The following PPARGC1A variants were observed in gnomAD, a reference collection of about 807,000 sequenced individuals.
PPARGC1A encodes the protein PPARG coactivator 1 alpha.
PPARGC1A carries 25 observed loss-of-function variants against 88.7 expected under a neutral mutation model. That is an observed-to-expected ratio of 0.28 (90% confidence interval 0.21 to 0.39). The LOEUF (loss-of-function observed/expected upper bound fraction) is 0.39. PPARGC1A is among the 10% of genes least tolerant of loss of function. PPARGC1A has a pLI of 1.00. For missense variants in PPARGC1A, 880 were observed against 968.7 expected (o/e 0.91, Z 1.22); for synonymous variants, 363 against 355.6 (o/e 1.02, Z -0.24).
the PPARGC1A span, among the ~76,000 whole-genome samples, chr4:24,207,528 T>C: frequency 2.6e-5 from 4 of 152,218 alleles, no homozygotes; most frequent in African/African-American, 9.7e-5. Context: ...GAAAAGAAAC[T>C]TGCTCATTTT....
the PPARGC1A span, among the ~76,000 whole-genome samples, chr4:24,236,408 G>A: frequency 4.6e-5 from 7 of 152,182 alleles, no homozygotes; most frequent in African/African-American, 1.7e-4. Context: ...GGACTTCCAG[G>A]GACCTGGTGC....
chr4:23,929,335 A>C, the PPARGC1A span, among the ~76,000 whole-genome samples: 2 of 152,172 alleles, frequency 1.3e-5, no homozygotes, highest in Admixed American at 1.3e-4. Context: ...TAGAGGTGGA[A>C]AAATAAAACC....
the PPARGC1A span, among the ~76,000 whole-genome samples, chr4:24,043,196 C>T: frequency 6.6e-6 from 1 of 152,178 alleles, no homozygotes; most frequent in Admixed American, 6.5e-5. Flanking sequence ...TTCAGAAGCC[C>T]AAAGAAGGGT....
chr4:24,176,616 C>T, the PPARGC1A span, among the ~76,000 whole-genome samples: 1 of 152,082 alleles, frequency 6.6e-6, no homozygotes, highest in African/African-American at 2.4e-5. Context: ...GTGTGAAGAG[C>T]CCTGTGCCAG....
the PPARGC1A span, among the ~76,000 whole-genome samples, chr4:24,174,001 T>C: frequency 9.9e-3 from 1,513 of 152,266 alleles, 31 homozygotes; most frequent in African/African-American, 0.034. Context: ...TTTGAGGACC[T>C]TGGAATTTAG....
At chr4:24,042,820 G>C in the PPARGC1A span, among the ~76,000 whole-genome samples, 103 of 152,230 alleles carry the variant, frequency 6.8e-4, 1 homozygote, top group East Asian at 0.013. Flanking sequence ...AATAAGATTG[G>C]TATAAAAGAT....
the PPARGC1A span, among the ~76,000 whole-genome samples, chr4:24,165,411 C>T: frequency 6.6e-6 from 1 of 152,070 alleles, no homozygotes; most frequent in African/African-American, 2.4e-5. Context: ...TTTGTGGCAA[C>T]CCTGATTGAT....
the PPARGC1A span, among the ~76,000 whole-genome samples, chr4:24,233,421 T>C: frequency 6.6e-6 from 1 of 152,128 alleles, no homozygotes; most frequent in Non-Finnish European, 1.5e-5. Context: ...CAAATGGATT[T>C]AGAGGAAACT....
At chr4:24,431,950 G>T in the PPARGC1A span, among the ~76,000 whole-genome samples, 3 of 152,306 alleles carry the variant, frequency 2.0e-5, no homozygotes, top group East Asian at 3.9e-4. Context: ...AAATTAGGTT[G>T]TTGGGAACCT....
the PPARGC1A span, among the ~76,000 whole-genome samples, chr4:24,181,198 T>G: frequency 6.6e-6 from 1 of 152,238 alleles, no homozygotes; most frequent in Non-Finnish European, 1.5e-5. Context: ...AAAATCACTG[T>G]AACCAGGAAG....
the PPARGC1A span, among the ~76,000 whole-genome samples, chr4:24,429,151 A>C: frequency 6.6e-6 from 1 of 152,150 alleles, no homozygotes; most frequent in South Asian, 2.1e-4. Context: ...AAAAAAAGAA[A>C]ACTCAGACGT....
intron 10 of PPARGC1A, among the ~76,000 whole-genome samples, chr4:23,807,048 T>G (rs529013043): frequency 2.0e-3 from 301 of 152,324 alleles, no homozygotes; most frequent in Middle Eastern, 3.4e-3. Flanking sequence ...AATCTTTTTT[T>G]CTATGCTAAG....
At chr4:24,263,691 G>GA in the PPARGC1A span, among the ~76,000 whole-genome samples, 1 of 152,152 alleles carries the variant, frequency 6.6e-6, no homozygotes, top group East Asian at 1.9e-4. Context: ...TGATGAGGAT[G>GA]AACACCTTTA....
chr4:24,018,337 A>G, the PPARGC1A span, among the ~76,000 whole-genome samples: 3 of 151,994 alleles, frequency 2.0e-5, no homozygotes, highest in Non-Finnish European at 4.4e-5. Flanking sequence ...AGTGTTTAAA[A>G]TGTCACCAGT....
At chr4:23,864,734 A>T (rs2148728880) in intron 2 of PPARGC1A, among the ~76,000 whole-genome samples, 1 of 152,344 alleles carries the variant, frequency 6.6e-6, no homozygotes, top group African/African-American at 2.4e-5. Context: ...AAGTTAGGCA[A>T]CCTGGTGTGT....
the PPARGC1A span, among the ~76,000 whole-genome samples, chr4:24,414,554 T>C: frequency 2.0e-5 from 3 of 152,152 alleles, no homozygotes; most frequent in African/African-American, 7.2e-5. Context: ...TGGTCCCCAG[T>C]CTCGACAATC....
chr4:24,135,262 C>T, the PPARGC1A span, among the ~76,000 whole-genome samples: 18 of 152,258 alleles, frequency 1.2e-4, no homozygotes, highest in East Asian at 3.1e-3. Flanking sequence ...TGAGTGGCTT[C>T]AGGCATAGTT....
chr4:24,242,309 G>T, the PPARGC1A span, among the ~76,000 whole-genome samples: 2 of 152,198 alleles, frequency 1.3e-5, no homozygotes, highest in African/African-American at 4.8e-5. Context: ...GCTGGCTACA[G>T]CCTCGTCCTG....
At chr4:24,385,552 A>C in the PPARGC1A span, among the ~76,000 whole-genome samples, 6 of 152,306 alleles carry the variant, frequency 3.9e-5, no homozygotes, top group South Asian at 6.2e-4. Flanking sequence ...AAAAATGATA[A>C]AGAGGATATC....
Sources: allele counts gnomAD v4.1 joint callset (sites outside exome capture counted in the v4.1 genomes callset), GRCh38; gene constraint gnomAD v4.1.1; transcripts MANE v1.5; gene names NCBI Gene and HGNC (gene_info 2026-07-23, HGNC 2026-07-21).